ARHGAP15: variants seen among roughly 807,000 people sequenced by gnomAD.
ARHGAP15 encodes rho GTPase-activating protein 15.
In ARHGAP15, 51 loss-of-function variants were observed where a neutral mutation model predicts 63.7. That is an observed-to-expected ratio of 0.80 (90% CI 0.64 to 1.01). The LOEUF (loss-of-function observed/expected upper bound fraction) is 1.01, where lower values mean the gene tolerates loss of function less well. Ranked by LOEUF, ARHGAP15 falls within the 50% of genes least tolerant of loss-of-function variation. The pLI, the probability that ARHGAP15 is intolerant of heterozygous loss-of-function variation, is 0.00. For synonymous variants in ARHGAP15, 191 were observed against 193.8 expected, an observed-to-expected ratio of 0.99 and a Z score of 0.12; for missense variants, 560 against 564.6, an observed-to-expected ratio of 0.99 and a Z score of 0.08.
At chr2:143,586,651 C>T (rs1019838612) in intron 11 of ARHGAP15, among the ~76,000 whole-genome samples, 1 of 151,024 alleles carries the variant, frequency 6.6e-6, no homozygotes, top group Admixed American at 6.6e-5. Flanking sequence ...TTTTTAAATA[C>T]TCTTTCCATT....
At chr2:143,700,685 T>G (rs1281554180) in intron 12 of ARHGAP15, among the ~76,000 whole-genome samples, 1 of 151,550 alleles carries the variant, frequency 6.6e-6, no homozygotes, top group African/African-American at 2.4e-5. Flanking sequence ...TATATATATA[T>G]GAGTGTGTGT....
At chr2:143,520,416 A>C (rs1447814620) in intron 10 of ARHGAP15, among the ~76,000 whole-genome samples, 2 of 152,132 alleles carry the variant, frequency 1.3e-5, no homozygotes, top group African/African-American at 4.8e-5. Context: ...TTCCCCTATC[A>C]GTAGGGAATG....
chr2:143,288,871 C>CT (rs1215395472), intron 6 of ARHGAP15, among the ~76,000 whole-genome samples: 1 of 152,026 alleles, frequency 6.6e-6, no homozygotes, highest in Non-Finnish European at 1.5e-5. Flanking sequence ...TCTGAAATGC[C>CT]TTTAAGCTAA....
At chr2:143,323,894 CAAAAAAAAAA>C (rs55804357) in intron 6 of ARHGAP15, among the ~76,000 whole-genome samples, 5 of 26,170 alleles carry the variant, frequency 1.9e-4, no homozygotes, top group Non-Finnish European at 3.3e-4. Flanking sequence ...GACTCCGTCT[CAAAAAAAAAA>C]AAAAAAAAAA....
At chr2:143,760,800 TA>T (rs1686736528) in intron 13 of ARHGAP15, among the ~76,000 whole-genome samples, 1 of 152,164 alleles carries the variant, frequency 6.6e-6, no homozygotes, top group Non-Finnish European at 1.5e-5. Context: ...AATATAGCAA[TA>T]ATTCCTATTT....
intron 8 of ARHGAP15, among the ~76,000 whole-genome samples, chr2:143,467,515 T>G (rs1253274680): frequency 2.0e-5 from 3 of 152,028 alleles, no homozygotes; most frequent in African/African-American, 7.2e-5. Flanking sequence ...AATAAATTAA[T>G]GCATCAATAT....
At chr2:143,290,232 C>T (rs576197955) in intron 6 of ARHGAP15, among the ~76,000 whole-genome samples, 7 of 151,804 alleles carry the variant, frequency 4.6e-5, no homozygotes, top group African/African-American at 1.5e-4. Context: ...GGTTGGGGTT[C>T]AGTAAAATAG....
At chr2:143,635,472 C>T (rs1233119603) in intron 12 of ARHGAP15, among the ~76,000 whole-genome samples, 1 of 152,072 alleles carries the variant, frequency 6.6e-6, no homozygotes, top group Non-Finnish European at 1.5e-5. Flanking sequence ...CTCCAGCCCT[C>T]CTCTGTCAAT....
At chr2:143,730,891 T>TGAA (rs1365710611) in intron 13 of ARHGAP15, among the ~76,000 whole-genome samples, 2 of 120,220 alleles carry the variant, frequency 1.7e-5, no homozygotes, top group African/African-American at 6.2e-5. Flanking sequence ...GAGCACTCCT[T>TGAA]TAAAAAAAAA....
intron 12 of ARHGAP15, among the ~76,000 whole-genome samples, chr2:143,682,261 A>G (rs1342639840): frequency 2.0e-5 from 3 of 152,044 alleles, no homozygotes; most frequent in Non-Finnish European, 4.4e-5. Context: ...CACCGCTTCT[A>G]TGAAAATTAA....
chr2:143,350,674 A>G (rs1228037564), intron 6 of ARHGAP15, among the ~76,000 whole-genome samples: 3 of 149,262 alleles, frequency 2.0e-5, no homozygotes, highest in South Asian at 2.1e-4. Context: ...AAAAAAAAAA[A>G]AAAAGAAAGA....
chr2:143,343,923 T>C (rs547787669), intron 6 of ARHGAP15: 1 of 152,158 alleles, frequency 6.6e-6, no homozygotes, highest in South Asian at 2.1e-4. Flanking sequence ...TGACTTTTGC[T>C]GTCTGCCAAA....
At chr2:143,619,443 C>G (rs1698574609) in intron 11 of ARHGAP15, among the ~76,000 whole-genome samples, 1 of 152,078 alleles carries the variant, frequency 6.6e-6, no homozygotes, top group Non-Finnish European at 1.5e-5. Flanking sequence ...ATCTTTAATT[C>G]TGTTTATAAG....
intron 9 of ARHGAP15, among the ~76,000 whole-genome samples, chr2:143,508,855 G>A (rs757803095): frequency 1.4e-4 from 21 of 152,156 alleles, no homozygotes; most frequent in Non-Finnish European, 3.1e-4. Context: ...GGTGAGTTTA[G>A]GAGCTGAAAA....
At chr2:143,200,879 A>AC (rs1243416362) in intron 2 of ARHGAP15, among the ~76,000 whole-genome samples, 1 of 152,100 alleles carries the variant, frequency 6.6e-6, no homozygotes. Context: ...CACATCATCA[A>AC]CAAAAAAAAA....
chr2:143,321,830 G>T (rs1309614756), intron 6 of ARHGAP15, among the ~76,000 whole-genome samples: 1 of 152,006 alleles, frequency 6.6e-6, no homozygotes, highest in East Asian at 1.9e-4. Context: ...GAAGTAGCTG[G>T]GACCACCGGG....
chr2:143,383,941 T>C (rs1687163442), intron 6 of ARHGAP15, among the ~76,000 whole-genome samples: 1 of 152,028 alleles, frequency 6.6e-6, no homozygotes, highest in African/African-American at 2.4e-5. Flanking sequence ...AAGAAACAGG[T>C]ATTGGAGAGA....
chr2:143,409,436 G>T (rs1221064270), intron 6 of ARHGAP15, among the ~76,000 whole-genome samples: 1 of 151,842 alleles, frequency 6.6e-6, no homozygotes, highest in African/African-American at 2.4e-5. Flanking sequence ...TATCTCCAAT[G>T]GTCCTTTAAC....
At chr2:143,444,963 A>G (rs1461065378) in intron 8 of ARHGAP15, among the ~76,000 whole-genome samples, 2 of 152,076 alleles carry the variant, frequency 1.3e-5, no homozygotes, top group Non-Finnish European at 2.9e-5. Context: ...GTAGTACCTG[A>G]AATCAGTTGT....
Sources: allele counts gnomAD v4.1 joint callset (sites outside exome capture counted in the v4.1 genomes callset), GRCh38; gene constraint gnomAD v4.1.1; transcripts MANE v1.5; gene names NCBI Gene and HGNC (gene_info 2026-07-23, HGNC 2026-07-21).